Variants in SLC35F4 observed in about 807,000 individuals in gnomAD.
SLC35F4 encodes solute carrier family 35 member F4, also known as chromosome 14 open reading frame 36.
In SLC35F4, 24 loss-of-function variants were observed where a neutral mutation model predicts 44.2. The ratio of observed to expected loss-of-function variants is 0.54; its 90% CI spans 0.39 to 0.76. SLC35F4 has a LOEUF of 0.76. Ranked by LOEUF, SLC35F4 falls within the 30% of genes least tolerant of loss-of-function variation. The pLI, the probability that SLC35F4 is intolerant of heterozygous loss-of-function variation, is 0.00. For missense variants in SLC35F4, 562 were observed against 586.1 expected, an observed-to-expected ratio of 0.96 and a Z score of 0.42; for synonymous variants, 238 against 223.6, an observed-to-expected ratio of 1.06 and a Z score of -0.57.
At chr14:57,591,812 T>A (rs2070200993) in intron 2 of SLC35F4, among the ~76,000 whole-genome samples, 1 of 152,214 alleles carries the variant, frequency 6.6e-6, no homozygotes, top group Admixed American at 6.5e-5. Context: ...ACACTTCAGA[T>A]CTCATGATTC....
intron 1 of SLC35F4, among the ~76,000 whole-genome samples, chr14:57,700,491 ATTCT>A (rs1416442319): frequency 6.6e-6 from 1 of 152,176 alleles, no homozygotes; most frequent in Non-Finnish European, 1.5e-5. Flanking sequence ...TATTTTAAAA[ATTCT>A]TTCATTAATA....
chr14:57,819,471 G>T (rs992585620), intron 1 of SLC35F4, among the ~76,000 whole-genome samples: 2 of 151,770 alleles, frequency 1.3e-5, no homozygotes, highest in Admixed American at 6.6e-5. Flanking sequence ...ATAAGGAAGA[G>T]CAAAAGGCCA....
At chr14:57,971,887 A>C (rs1272863956), downstream of SLC35F4, among the ~76,000 whole-genome samples, 2 of 152,216 alleles carry the variant, frequency 1.3e-5, no homozygotes, top group Non-Finnish European at 2.9e-5. Context: ...AGTTAAGGAA[A>C]TGAAATTATG....
intron 1 of SLC35F4, among the ~76,000 whole-genome samples, chr14:57,652,618 A>G (rs1271218664): frequency 6.6e-6 from 1 of 152,078 alleles, no homozygotes; most frequent in Admixed American, 6.6e-5. Flanking sequence ...CCTACAGTGC[A>G]GAGGATAGTA....
At chr14:57,647,836 T>C (rs1594697740) in intron 1 of SLC35F4, among the ~76,000 whole-genome samples, 1 of 152,140 alleles carries the variant, frequency 6.6e-6, no homozygotes, top group South Asian at 2.1e-4. Context: ...CCCCAGGCGA[T>C]GTCTGATCAC....
At chr14:57,689,120 T>C (rs2075152389) in intron 1 of SLC35F4, among the ~76,000 whole-genome samples, 1 of 152,274 alleles carries the variant, frequency 6.6e-6, no homozygotes, top group Non-Finnish European at 1.5e-5. Flanking sequence ...CTATAAGTGC[T>C]TCAAATTCAG....
At chr14:57,787,008 C>CA (rs759659930) in intron 1 of SLC35F4, among the ~76,000 whole-genome samples, 1 of 151,786 alleles carries the variant, frequency 6.6e-6, no homozygotes, top group Non-Finnish European at 1.5e-5. Flanking sequence ...CAAGGAAATC[C>CA]AAAAAACGAT....
intron 1 of SLC35F4, among the ~76,000 whole-genome samples, chr14:57,798,441 G>C (rs796220835): frequency 3.5e-4 from 54 of 152,240 alleles, no homozygotes; most frequent in African/African-American, 1.3e-3. Flanking sequence ...TGGTTAGCTT[G>C]ATGACCTTAA....
chr14:57,972,317 G>A (rs1881077971), downstream of SLC35F4, among the ~76,000 whole-genome samples: 1 of 152,168 alleles, frequency 6.6e-6, no homozygotes, highest in African/African-American at 2.4e-5. Context: ...CATGGAAAGA[G>A]TTTGGATGGA....
chr14:57,745,490 T>C lies in SLC35F4; in HGVS notation c.103+120233A>G, dbSNP rs533791071. ...CAACAGACACATGAAAAAATGCTCA[T>C]CATCACTGGCCATCAGAGAAATGCA... is the stretch of plus-strand genomic sequence containing the variant. On this transcript the variant is annotated intron_variant, in intron 1 of 7. Transcript: ENST00000556826. Among the ~76,000 whole-genome samples the C allele has an allele frequency of 5.3e-4, 80 of 152,298 alleles. No homozygotes were observed. In the Middle Eastern group the frequency reaches 0.014, roughly 26 times the overall value.
At chr14:57,643,938 G>A (rs1485123715) in intron 1 of SLC35F4, among the ~76,000 whole-genome samples, 4 of 152,272 alleles carry the variant, frequency 2.6e-5, no homozygotes, top group African/African-American at 7.2e-5. Flanking sequence ...CCCTACAAAG[G>A]ACATGAACTC....
intron 1 of SLC35F4, among the ~76,000 whole-genome samples, chr14:57,782,505 T>C (rs144336985): frequency 6.6e-6 from 1 of 152,200 alleles, no homozygotes; most frequent in African/African-American, 2.4e-5. Context: ...TTAAAATCTA[T>C]GGGTAAACAG....
intron 3 of SLC35F4, among the ~76,000 whole-genome samples, chr14:57,587,497 A>C (rs1466042689): frequency 2.0e-5 from 3 of 152,222 alleles, no homozygotes; most frequent in Non-Finnish European, 4.4e-5. Flanking sequence ...GCTGGAAACC[A>C]TTCTCAGCAA....
chr14:57,573,090 T>C (rs2068596420), intron 4 of SLC35F4, among the ~76,000 whole-genome samples: 1 of 139,022 alleles, frequency 7.2e-6, no homozygotes, highest in Non-Finnish European at 1.6e-5. Context: ...GATAGCTTTT[T>C]AACATATGTG....
At chr14:57,755,245 T>C (rs1205589170) in intron 1 of SLC35F4, among the ~76,000 whole-genome samples, 3 of 152,048 alleles carry the variant, frequency 2.0e-5, no homozygotes, top group Non-Finnish European at 4.4e-5. Flanking sequence ...GGCTTTCCAG[T>C]GGGGGGCCCT....
chr14:57,710,029 A>G (rs1234071513), intron 1 of SLC35F4, among the ~76,000 whole-genome samples: 1 of 152,214 alleles, frequency 6.6e-6, no homozygotes, highest in East Asian at 1.9e-4. Flanking sequence ...GACAATGGGG[A>G]AAATGTCTCC....
chr14:57,630,342 A>G (rs2072707288), intron 1 of SLC35F4: 1 of 593,800 alleles, frequency 1.7e-6, no homozygotes. Flanking sequence ...TAGAAACAGT[A>G]GACCGACTGG....
At chr14:57,903,768 A>G (rs983430497) in intron 1 of SLC35F4, among the ~76,000 whole-genome samples, 2 of 152,256 alleles carry the variant, frequency 1.3e-5, no homozygotes, top group African/African-American at 2.4e-5. Context: ...ATGTAAAAAC[A>G]TATTTACTCT....
chr14:57,921,910 C>T (rs146874366), intron 1 of SLC35F4, among the ~76,000 whole-genome samples: 24 of 152,282 alleles, frequency 1.6e-4, no homozygotes, highest in African/African-American at 5.8e-4. Context: ...CAAAATTCAA[C>T]CCGCAACAAC....
Sources: gnomAD v4.1 joint callset for allele counts (sites outside exome capture counted in the v4.1 genomes callset) on GRCh38, gnomAD v4.1.1 for gene constraint, MANE v1.5 for transcripts, NCBI Gene and HGNC (gene_info 2026-07-23, HGNC 2026-07-21) for gene names.